KRT86: variants seen among roughly 807,000 people sequenced by gnomAD.
KRT86 encodes the protein keratin, type II cuticular Hb6.
In KRT86, 30 loss-of-function variants were observed where a neutral mutation model predicts 41.2. That is an observed-to-expected ratio of 0.73 (90% confidence interval 0.54 to 0.99). The LOEUF is 0.99. Ranked by LOEUF, KRT86 falls within the 50% of genes least tolerant of loss-of-function variation. KRT86 has a pLI of 0.00. For synonymous variants in KRT86, 238 were observed against 238.1 expected (o/e 1.00, Z 0.00); for missense variants, 561 against 571.4 (o/e 0.98, Z 0.19).
At chr12:52,304,827 C>A (rs1013341859) in intron 5 of KRT86, 105 bp from the exon 6 acceptor site, 1 of 1,261,298 alleles carries the variant, frequency 7.9e-7, no homozygotes, top group Admixed American at 1.7e-5. Flanking sequence ...GAATGAGACA[C>A]TGGGGACTCC....
chr12:52,305,733 A>G lies in KRT86; in HGVS notation c.971A>G (p.Glu324Gly), dbSNP rs773722982. The G allele has an allele frequency of 6.2e-7, 1 of 1,614,052 alleles. No homozygotes were observed. Among genetic ancestry groups the G allele is most frequent in the East Asian group, 2.2e-5 (1 of 44,876 alleles). The stretch of plus-strand genomic sequence containing the variant: ...CGCCGCACCAAGGAGGAGATCAACG[A>G]GCTGAACCGCATGATCCAGAGGCTG... ...TLRRTKEEIN[E>G]LNRMIQRLTA... Residue 324 changes from glutamate to glycine, a missense_variant, in exon 8 of 11, where the codon GAG becomes GGG. Coordinates refer to ENST00000423955, the MANE Select transcript of KRT86 (RefSeq NM_001320198.2).
At chr12:52,305,580 C>A (rs1267379790) in intron 7 of KRT86, 83 bp from the exon 8 acceptor site, 1 of 1,610,944 alleles carries the variant, frequency 6.2e-7, no homozygotes, top group Non-Finnish European at 8.5e-7. Context: ...CTGAGCACTG[C>A]ACAACCTGCA....
chr12:52,294,128 G>T (rs1938196530), intron 2 of KRT86, among the ~76,000 whole-genome samples: 2 of 152,296 alleles, frequency 1.3e-5, no homozygotes, highest in South Asian at 4.1e-4. Flanking sequence ...CAGCACTTCT[G>T]AAGCTCTTTG....
intron 9 of KRT86, among the ~76,000 whole-genome samples, chr12:52,307,263 T>C (rs575722671): frequency 2.0e-5 from 3 of 152,326 alleles, no homozygotes; most frequent in Non-Finnish European, 4.4e-5. Flanking sequence ...GGGAATTTCA[T>C]AAGTGAAGAA....
chr12:52,305,635 A>C, intron 7 of KRT86, 28 bp from the exon 8 acceptor site: 1 of 1,505,372 alleles, frequency 6.6e-7, no homozygotes, highest in Non-Finnish European at 9.2e-7. Context: ...CCCACCCTGA[A>C]CCTCATGAGC....
At chr12:52,280,451 T>A (rs928297200) in intron 2 of KRT86, among the ~76,000 whole-genome samples, 1 of 152,220 alleles carries the variant, frequency 6.6e-6, no homozygotes, top group Non-Finnish European at 1.5e-5. Flanking sequence ...GCTTTCTATG[T>A]CCCTGGGTGG....
rs1786042313 is a variant in KRT86 at position 52,304,806 on chromosome 12, A to G, written c.640-126A>G. On this transcript the variant is annotated intron_variant, in intron 5 of 10. Coordinates refer to ENST00000423955, the MANE Select transcript of KRT86 (RefSeq NM_001320198.2). ...CCCCGGGAAGGGCCAGAAGGGAAGGAGAGGGCATGGGAATGAGACACTGGG... is the reference window on the plus strand; with the variant it reads ...CCCCGGGAAGGGCCAGAAGGGAAGGGGAGGGCATGGGAATGAGACACTGGG... The G allele has an allele frequency of 3.8e-6, 4 of 1,056,782 alleles. No homozygotes were observed. The African/African-American group carries it at 6.2e-5, about 16-fold the overall frequency. The allele number at this position is 1,056,782 out of a possible 1,614,324, so 65.5% of individuals were successfully genotyped here.
intron 2 of KRT86, among the ~76,000 whole-genome samples, chr12:52,282,133 G>A (rs2608017): frequency 0.86 from 130,391 of 152,268 alleles, 56,275 homozygotes; most frequent in African/African-American, 0.96. Context: ...TTGAGAAAAG[G>A]TATTGCTGCA....
At chr12:52,278,855 G>C (rs1937702329) in intron 2 of KRT86, 1 of 152,204 alleles carries the variant, frequency 6.6e-6, no homozygotes, top group South Asian at 2.1e-4. Context: ...TTTGTCGGGG[G>C]CTATTTCTTC....
chr12:52,306,320 G>A (rs374018650), intron 9 of KRT86, 40 bp downstream of exon 9: 2 of 1,612,466 alleles, frequency 1.2e-6, no homozygotes, highest in Non-Finnish European at 1.7e-6. Flanking sequence ...GCCCTGCCAG[G>A]GTTCTCAGTG....
chr12:52,281,564 G>A (rs1937772404), intron 2 of KRT86, among the ~76,000 whole-genome samples: 1 of 152,140 alleles, frequency 6.6e-6, no homozygotes, highest in Admixed American at 6.5e-5. Flanking sequence ...CCTTCCTGCT[G>A]TGATTTCAGC....
rs201329364 is a variant in KRT86, at chr12:52,301,943, C to A, written c.27C>A (p.Gly9=). The change falls in exon 3 of 11, where the codon GGC becomes GGA. Residue 9 remains glycine, a synonymous_variant. Transcript: ENST00000423955. Reference sequence around the variant, plus strand: ...TGACTTGTGGATCTTACTGTGGTGGCCGCGCCTTCAGCTGCATCTCGGCCT... The same window carrying A: ...TGACTTGTGGATCTTACTGTGGTGGACGCGCCTTCAGCTGCATCTCGGCCT... MTCGSYCG[G]RAFSCISACG... 5.6e-6 allele frequency: 9 copies of A among 1,613,822 alleles called. No individual in the cohort carries two copies. The highest frequency in any genetic ancestry group is 7.6e-6 in the Non-Finnish European group (9 of 1,179,786).
In KRT86 at chr12:52,299,723, G is replaced by T. The variant is rs76082300; in HGVS notation, c.-4-2190G>T. 4.8e-3 allele frequency among the ~76,000 whole-genome samples: 727 copies of T among 152,198 alleles called. 9 individuals carry two copies. Among genetic ancestry groups the T allele is most frequent in the African/African-American group, 0.017 (692 of 41,524 alleles). On this transcript the variant is annotated intron_variant, in intron 2 of 10. Transcript: ENST00000423955. ...GTTGAGCATTTTCAATATACCTGTT[G>T]GTCATGTATATGTCTTCTTTTGAGA...
chr12:52,291,298 G>C (rs1294467291), intron 2 of KRT86: 4 of 1,541,234 alleles, frequency 2.6e-6, no homozygotes, highest in Middle Eastern at 4.6e-4. Flanking sequence ...CGCAGGAGCC[G>C]GCCCGAAAGC....
Position 52,305,709 on chromosome 12 carries a change from G to C in KRT86, c.947G>C (p.Arg316Pro). Residue 316 changes from arginine (R) to proline (P), a missense_variant, in exon 8 of 11, where the codon CGC (arginine) becomes CCC (proline). Physicochemically the swap from Arg to Pro is moderately radical, Grantham distance 103. Transcript: ENST00000423955. ...GTGATCAGGCACGGGGAGACCCTGCGCCGCACCAAGGAGGAGATCAACGAG... is the reference window on the plus strand; with the variant it reads ...GTGATCAGGCACGGGGAGACCCTGCCCCGCACCAAGGAGGAGATCAACGAG... ...ATVIRHGETLRRTKEEINELN... is the reference protein window; with the variant it reads ...ATVIRHGETLPRTKEEINELN... 1 of 1,614,104 alleles carries C rather than the reference G, an allele frequency of 6.2e-7. No homozygotes were observed. Among genetic ancestry groups the C allele is most frequent in the Non-Finnish European group, 8.5e-7 (1 of 1,179,944 alleles).
intron 2 of KRT86, chr12:52,291,465 T>G (rs202023317): frequency 6.6e-5 from 106 of 1,612,894 alleles, no homozygotes; most frequent in Admixed American, 2.7e-4. Context: ...CCGCAGGTCA[T>G]GATCCTCCTG....
chr12:52,299,673 T>C (rs1938328594), intron 2 of KRT86, among the ~76,000 whole-genome samples: 1 of 152,254 alleles, frequency 6.6e-6, no homozygotes, highest in African/African-American at 2.4e-5. Flanking sequence ...TATTGTGGTA[T>C]TGATTTGTAT....
At chr12:52,278,729 C>T (rs1354105072) in intron 2 of KRT86, among the ~76,000 whole-genome samples, 2 of 152,106 alleles carry the variant, frequency 1.3e-5, no homozygotes, top group African/African-American at 4.8e-5. Flanking sequence ...ATCTTATTAT[C>T]TTATTCTCCT....
intron 8 of KRT86, 45 bp downstream of exon 8, chr12:52,305,833 C>G: frequency 6.2e-7 from 1 of 1,613,904 alleles, no homozygotes; most frequent in Non-Finnish European, 8.5e-7. Context: ...GAGGGTCTAA[C>G]CATGGTCACA....
Sources: gnomAD v4.1 joint callset for allele counts (sites outside exome capture counted in the v4.1 genomes callset) on GRCh38, gnomAD v4.1.1 for gene constraint, MANE v1.5 for transcripts, NCBI Gene and HGNC (gene_info 2026-07-23, HGNC 2026-07-21) for gene names.